Variants in ZNF837 observed in about 807,000 individuals in gnomAD.
ZNF837 encodes the protein zinc finger protein 837.
For synonymous variants in ZNF837, 475 were observed against 365.2 expected, an observed-to-expected ratio of 1.30 and a Z score of -3.43; for missense variants, 955 against 801.7, an observed-to-expected ratio of 1.19 and a Z score of -2.31.
rs2052178856 is a variant in ZNF837, at chr19:58,369,298, C to T, written c.35G>A (p.Gly12Glu). 3 of 1,382,566 alleles carry T rather than the reference C, an allele frequency of 2.2e-6. No homozygotes were observed. The highest frequency in any genetic ancestry group is 2.8e-6 in the Non-Finnish European group (3 of 1,073,670). 85.6% of individuals were successfully genotyped at this position (1,382,566 alleles called of 1,614,324 possible). Residue 12 changes from glycine to glutamate, a missense_variant, in exon 3 of 3, where the codon GGA becomes GAA. Transcript: ENST00000597582. ...ACCCTGGGCATCGGCCTTGGGGAGT[C>T]CTCCCTGCCCAGCCTTCTGGGCTGG... ...EAPAQKAGQG[G>E]LPKADAQGAS...
chr19:58,376,615 A>T (rs1273938681), intron 1 of ZNF837, among the ~76,000 whole-genome samples: 1 of 151,312 alleles, frequency 6.6e-6, no homozygotes, highest in South Asian at 2.1e-4. Flanking sequence ...AAAGGAAAAA[A>T]AAAGAGAAAA....
intron 1 of ZNF837, among the ~76,000 whole-genome samples, chr19:58,372,343 G>A (rs1390219351): frequency 6.6e-6 from 1 of 151,796 alleles, no homozygotes; most frequent in Non-Finnish European, 1.5e-5. Context: ...ATAGGCGTGA[G>A]TCACCGCACC....
At chr19:58,376,997 C>A (rs574159315) in intron 1 of ZNF837, among the ~76,000 whole-genome samples, 13 of 151,754 alleles carry the variant, frequency 8.6e-5, no homozygotes, top group Non-Finnish European at 1.9e-4. Context: ...GTGGGTGGAT[C>A]ACGAGGTCAG....
In ZNF837 at chr19:58,368,535, C is replaced by T. The variant is rs769645216; in HGVS notation, c.798G>A (p.Pro266=). 19 of 1,532,782 alleles carry T rather than the reference C, an allele frequency of 1.2e-5. No individual in the cohort carries two copies. In the African/African-American group the frequency reaches 1.4e-4, roughly 11 times the overall value. 94.9% of individuals were successfully genotyped at this position (1,532,782 alleles called of 1,614,324 possible). Residue 266 remains proline, a synonymous_variant, in exon 3 of 3, where the codon CCG becomes CCA. Transcript: ENST00000597582. ...CGTCGCAAGCGTACAGTCGCTGGGC[C>T]GGGGGGTCGGGGACAATAGGGCGAG... The part of the protein sequence containing the change: ...SRPRPIVPDP[P]AQRLYACDEC...
At chr19:58,375,224 C>T (rs2052231644) in intron 1 of ZNF837, among the ~76,000 whole-genome samples, 1 of 123,678 alleles carries the variant, frequency 8.1e-6, no homozygotes. Context: ...ACACTGTACT[C>T]CAGCCTGGGC....
Position 58,368,183 on chromosome 19 carries a change from C to T in ZNF837, c.1150G>A (p.Val384Met), listed in dbSNP as rs769938210. Residue 384 changes from valine (V) to methionine (M), a missense_variant, in exon 3 of 3, where the codon GTG (valine) becomes ATG (methionine). Physicochemically the swap from Val to Met is conservative, Grantham distance 21. Coordinates refer to ENST00000597582, the MANE Select transcript of ZNF837 (RefSeq NM_138466.2). The part of the protein sequence containing the change: ...LFSHLVEHRR[V>M]HTGEKPYACP... ...GCGTAGGGCTTCTCGCCGGTGTGCA[C>T]GCGCCGGTGCTCCACGAGGTGCGAG... The T allele has an allele frequency of 2.6e-4, 417 of 1,576,384 alleles. 13 individuals are homozygous for T. The South Asian group carries it at 4.7e-3, about 18-fold the overall frequency.
At chr19:58,370,710 A>G (rs1486438874) in intron 1 of ZNF837, among the ~76,000 whole-genome samples, 1 of 151,566 alleles carries the variant, frequency 6.6e-6, no homozygotes. Flanking sequence ...AGCCTGACCA[A>G]CATAGAGAAA....
At chr19:58,379,643 A>G (rs1476434760) in intron 1 of ZNF837, among the ~76,000 whole-genome samples, 1 of 152,134 alleles carries the variant, frequency 6.6e-6, no homozygotes, top group Non-Finnish European at 1.5e-5. Context: ...CAGCCTTTCT[A>G]GTTGTCCTTA....
rs1221663540 is a variant in ZNF837, at chr19:58,368,600, T to C, written c.733A>G (p.Ser245Gly). 1 of 1,533,818 alleles carries C rather than the reference T, an allele frequency of 6.5e-7. No homozygotes were observed. Among genetic ancestry groups the C allele is most frequent in the Non-Finnish European group, 8.7e-7 (1 of 1,144,454 alleles). Residue 245 changes from serine to glycine, a missense_variant, in exon 3 of 3, where the codon AGT becomes GGT. Transcript: ENST00000597582. ...CCGCACTCAGGACACACTGGGGGAC[T>C]CTTGCCCGCCTGCTGCTGCTGGTTG... ...RPNQQQQAGK[S>G]PPVCPECGQT... is the part of the protein sequence containing the mutation.
At chr19:58,380,428 A>C (rs2052280500) in intron 1 of ZNF837, among the ~76,000 whole-genome samples, 1 of 152,246 alleles carries the variant, frequency 6.6e-6, no homozygotes, top group African/African-American at 2.4e-5. Context: ...GAGACCGTTT[A>C]AGAGAGAAAA....
At position 58,375,313 on chromosome 19, in the gene ZNF837, A is replaced by ATATATATAT. The variant is rs1568568408; in HGVS notation, c.-139-5386_-139-5385insATATATATA. 5.8e-3 allele frequency among the ~76,000 whole-genome samples: 202 copies of ATATATATAT among 34,548 alleles called. 24 individuals are homozygous for ATATATATAT. The highest frequency in any genetic ancestry group is 9.5e-3 in the South Asian group (9 of 948). The allele number at this position is 34,548 out of a possible 152,430, so 22.7% of individuals were successfully genotyped here. On this transcript the variant is annotated intron_variant, in intron 1 of 2. Coordinates refer to ENST00000597582, the MANE Select transcript of ZNF837 (RefSeq NM_138466.2). ...ATATATATATATATATATATATATAAAATTACATATATACTTAAGAGTATA... is the reference window on the plus strand; with the variant it reads ...ATATATATATATATATATATATATAATATATATATAATTACATATATACTTAAGAGTATA...
chr19:58,376,248 T>G (rs1308454552), intron 1 of ZNF837, among the ~76,000 whole-genome samples: 1 of 152,074 alleles, frequency 6.6e-6, no homozygotes, highest in Non-Finnish European at 1.5e-5. Context: ...GCAATACATT[T>G]GTATTGAGAA....
At chr19:58,377,772 G>A (rs983574963) in intron 1 of ZNF837, among the ~76,000 whole-genome samples, 3 of 152,222 alleles carry the variant, frequency 2.0e-5, no homozygotes, top group South Asian at 4.1e-4. Context: ...AAGTTGTGAC[G>A]GGAGGGAGGA....
At chr19:58,371,281 G>T (rs984080932) in intron 1 of ZNF837, among the ~76,000 whole-genome samples, 22 of 149,404 alleles carry the variant, frequency 1.5e-4, no homozygotes, top group East Asian at 2.0e-4. Flanking sequence ...GGTGATGCAT[G>T]CCTGTAGTCC....
chr19:58,374,958 T>C (rs111255776), intron 1 of ZNF837, among the ~76,000 whole-genome samples: 38 of 146,624 alleles, frequency 2.6e-4, no homozygotes, highest in South Asian at 4.3e-4. Flanking sequence ...TATATATATA[T>C]ACACACACAC....
Position 58,367,675 on chromosome 19 carries a change from CA to C in ZNF837, c.*61del. On this transcript the variant is annotated 3_prime_UTR_variant, in exon 3 of 3. Coordinates refer to ENST00000597582, the MANE Select transcript of ZNF837 (RefSeq NM_138466.2). ...ACAAACGTTGGTGGGTTTTCCGGGA[CA>C]AAGGCCCCTCCTCGACGCAGGGTTC... 1.4e-6 allele frequency: 2 copies of C among 1,436,380 alleles called. No homozygotes were observed. Among genetic ancestry groups the C allele is most frequent in the Non-Finnish European group, 9.1e-7 (1 of 1,100,326 alleles). The allele number at this position is 1,436,380 out of a possible 1,614,324, so 89.0% of individuals were successfully genotyped here.
rs1223016392 is a variant in ZNF837 at position 58,368,112 on chromosome 19, G to A, written c.1221C>T (p.Ser407=). ...CGCTGCTGTGAGTGCGCTGGTGCCG[G>A]CTCAGGTTCGAGCGCTGGTTGAAGG... The part of the protein sequence containing the change: ...GKAFNQRSNL[S]RHQRTHSSAK... The change falls in exon 3 of 3, where the codon AGC becomes AGT. Residue 407 remains serine (S), a synonymous_variant. Coordinates refer to ENST00000597582, the MANE Select transcript of ZNF837 (RefSeq NM_138466.2). 1 of 1,570,918 alleles carries A rather than the reference G, an allele frequency of 6.4e-7. No individual in the cohort carries two copies. Among genetic ancestry groups the A allele is most frequent in the Non-Finnish European group, 8.6e-7 (1 of 1,161,006 alleles).
In ZNF837 at chr19:58,367,898, C is replaced by A. The variant is rs866219427; in HGVS notation, c.1435G>T (p.Asp479Tyr). The A allele has an allele frequency of 5.2e-6, 8 of 1,534,798 alleles. No homozygotes were observed. In the African/African-American group the frequency reaches 1.1e-4, roughly 21 times the overall value. The change falls in exon 3 of 3, where the codon GAC (aspartate) becomes TAC (tyrosine). Residue 479 changes from aspartate to tyrosine, a missense_variant. Physicochemically the swap from Asp to Tyr is radical, Grantham distance 160 (BLOSUM62 -3). Transcript: ENST00000597582. The part of the protein sequence containing the change: ...HSGEKPYICR[D>Y]CGKAFVRNCS... ...TTGCGCACGAAGGCCTTGCCGCAGT[C>A]GCGGCAGATGTAGGGCTTCTCGCCC...
At chr19:58,376,334 C>T (rs1462125880) in intron 1 of ZNF837, among the ~76,000 whole-genome samples, 9 of 151,696 alleles carry the variant, frequency 5.9e-5, no homozygotes, top group South Asian at 2.1e-4. Context: ...GGGCGGATCA[C>T]GAGGTCAAGA....
Sources: gnomAD v4.1 joint callset for allele counts (sites outside exome capture counted in the v4.1 genomes callset) on GRCh38, gnomAD v4.1.1 for gene constraint, MANE v1.5 for transcripts, NCBI Gene and HGNC (gene_info 2026-07-23, HGNC 2026-07-21) for gene names.